The following SDK1 variants were observed in gnomAD, a reference collection of about 807,000 sequenced individuals.
The protein encoded by SDK1 is protein sidekick-1.
SDK1 carries 157 observed loss-of-function variants against 245.5 expected under a neutral mutation model. The observed-to-expected ratio is 0.64, with a 90% confidence interval of 0.56 to 0.73. The LOEUF (loss-of-function observed/expected upper bound fraction) is 0.73. Among genes scored for constraint, SDK1 ranks in the 30% least tolerant of loss-of-function variants. SDK1 has a pLI of 0.00. For missense variants in SDK1, 3,583 were observed against 3,002.3 expected, an observed-to-expected ratio of 1.19 and a Z score of -4.52; for synonymous variants, 1,647 against 1,278.5, an observed-to-expected ratio of 1.29 and a Z score of -6.15.
chr7:3,434,061 G>A (rs1294842622), intron 1 of SDK1, among the ~76,000 whole-genome samples: 8 of 152,146 alleles, frequency 5.3e-5, no homozygotes, highest in Non-Finnish European at 1.2e-4. Flanking sequence ...AGAAGGAGGT[G>A]CAACAATGAA....
At chr7:3,575,772 C>A (rs1018197936) in intron 1 of SDK1, among the ~76,000 whole-genome samples, 5 of 151,948 alleles carry the variant, frequency 3.3e-5, no homozygotes, top group African/African-American at 9.7e-5. Flanking sequence ...AACAGGCTTC[C>A]CAGTCTATCA....
chr7:4,113,931 C>T (rs1358861019), intron 24 of SDK1, 106 bp from the exon 25 acceptor site: 3 of 792,860 alleles, frequency 3.8e-6, no homozygotes, highest in Admixed American at 2.3e-5. Flanking sequence ...CCCCCAGGAA[C>T]ACCTCCTCCA....
At chr7:3,816,774 G>A (rs981852179) in intron 4 of SDK1, among the ~76,000 whole-genome samples, 1 of 152,064 alleles carries the variant, frequency 6.6e-6, no homozygotes, top group Admixed American at 6.5e-5. Flanking sequence ...TGAGGCATGA[G>A]ATCCAGATTA....
intron 1 of SDK1, among the ~76,000 whole-genome samples, chr7:3,594,075 A>C (rs1394370033): frequency 6.6e-6 from 1 of 152,098 alleles, no homozygotes; most frequent in Non-Finnish European, 1.5e-5. Flanking sequence ...AAAAGAAACC[A>C]TGTACCTACT....
chr7:3,777,861 A>G (rs1292339433), intron 4 of SDK1, among the ~76,000 whole-genome samples: 1 of 152,268 alleles, frequency 6.6e-6, no homozygotes, highest in Non-Finnish European at 1.5e-5. Context: ...GCTAAAAAAT[A>G]TAGGTCAATT....
intron 44 of SDK1, among the ~76,000 whole-genome samples, chr7:4,253,498 A>G (rs1787440298): frequency 6.6e-6 from 1 of 152,118 alleles, no homozygotes. Flanking sequence ...AGAAACCATA[A>G]TTTATATATT....
At chr7:4,087,758 C>A (rs982124145) in intron 22 of SDK1, among the ~76,000 whole-genome samples, 2 of 152,120 alleles carry the variant, frequency 1.3e-5, no homozygotes, top group Non-Finnish European at 1.5e-5. Flanking sequence ...GACCTGGTTC[C>A]CCCCTTTTTT....
At chr7:4,124,480 A>G (rs55725600) in intron 25 of SDK1, among the ~76,000 whole-genome samples, 4,663 of 152,142 alleles carry the variant, frequency 0.031, 102 homozygotes, top group Admixed American at 0.043. Flanking sequence ...TCTGTGGACA[A>G]ATTCCTTTTT....
At chr7:4,149,770 G>A (rs1319355789) in intron 30 of SDK1, among the ~76,000 whole-genome samples, 1 of 152,144 alleles carries the variant, frequency 6.6e-6, no homozygotes, top group East Asian at 1.9e-4. Context: ...GGACATGTGG[G>A]CTGGAGTCCT....
chr7:3,766,823 G>A (rs1269913420), intron 4 of SDK1, among the ~76,000 whole-genome samples: 3 of 152,160 alleles, frequency 2.0e-5, no homozygotes, highest in Non-Finnish European at 4.4e-5. Context: ...ACTATTAGAT[G>A]TGGATACTTT....
intron 7 of SDK1, among the ~76,000 whole-genome samples, chr7:3,958,549 C>T (rs187371446): frequency 9.2e-5 from 14 of 152,314 alleles, no homozygotes; most frequent in East Asian, 7.7e-4. Flanking sequence ...ACACCTTCCT[C>T]GGGCACTTGA....
intron 1 of SDK1, among the ~76,000 whole-genome samples, chr7:3,599,227 A>G (rs901454520): frequency 6.7e-6 from 1 of 150,032 alleles, no homozygotes; most frequent in African/African-American, 2.5e-5. Context: ...CGTTAATGAT[A>G]TTGAACATCT....
chr7:3,695,855 C>T (rs1010171129), intron 4 of SDK1, among the ~76,000 whole-genome samples: 2 of 152,152 alleles, frequency 1.3e-5, no homozygotes, highest in African/African-American at 4.8e-5. Context: ...AAGTCATCAC[C>T]CAAATTACCT....
intron 4 of SDK1, among the ~76,000 whole-genome samples, chr7:3,799,060 A>G (rs111902415): frequency 7.2e-5 from 11 of 152,248 alleles, no homozygotes; most frequent in South Asian, 2.1e-4. Flanking sequence ...TTATTATTCA[A>G]TCATTATTTG....
intron 29 of SDK1, among the ~76,000 whole-genome samples, chr7:4,147,646 C>T (rs760946966): frequency 2.2e-4 from 33 of 152,046 alleles, no homozygotes; most frequent in Non-Finnish European, 4.7e-4. Flanking sequence ...GCTGGAGGGA[C>T]GGAAGCCCTC....
At chr7:3,361,743 G>C (rs1311810020) in intron 1 of SDK1, among the ~76,000 whole-genome samples, 1 of 152,176 alleles carries the variant, frequency 6.6e-6, no homozygotes, top group Non-Finnish European at 1.5e-5. Flanking sequence ...AGGTTTATTA[G>C]TGGGGAGAAA....
At chr7:3,539,415 G>C (rs1778988771) in intron 1 of SDK1, among the ~76,000 whole-genome samples, 1 of 152,174 alleles carries the variant, frequency 6.6e-6, no homozygotes, top group Admixed American at 6.5e-5. Flanking sequence ...GAAAAGGAGA[G>C]AGGAAATGTT....
intron 4 of SDK1, among the ~76,000 whole-genome samples, chr7:3,674,474 T>G (rs1231759197): frequency 6.6e-6 from 1 of 152,092 alleles, no homozygotes; most frequent in Non-Finnish European, 1.5e-5. Flanking sequence ...CAGGGGCCTT[T>G]GCTGAGGCTG....
chr7:3,858,129 G>T (rs1030461260), intron 5 of SDK1, among the ~76,000 whole-genome samples: 7 of 152,154 alleles, frequency 4.6e-5, no homozygotes, highest in Non-Finnish European at 4.4e-5. Flanking sequence ...GAATACAATG[G>T]ATTAGTTAAG....
Sources: gnomAD v4.1 joint callset for allele counts (sites outside exome capture counted in the v4.1 genomes callset) on GRCh38, gnomAD v4.1.1 for gene constraint, MANE v1.5 for transcripts, NCBI Gene and HGNC (gene_info 2026-07-23, HGNC 2026-07-21) for gene names.